The following PALM2AKAP2 variants were observed in gnomAD, a reference collection of about 807,000 sequenced individuals.
PALM2AKAP2 encodes PALM2 and AKAP2 fusion, also known as PALM2-AKAP2 fusion protein.
PALM2AKAP2 carries 37 observed loss-of-function variants against 71.5 expected under a neutral mutation model. The observed-to-expected ratio is 0.52, with a 90% CI of 0.40 to 0.68. PALM2AKAP2 has a LOEUF of 0.68. PALM2AKAP2 is among the 30% of genes least tolerant of loss of function. The pLI is 0.00. For synonymous variants in PALM2AKAP2, 468 were observed against 478.8 expected, an observed-to-expected ratio of 0.98 and a Z score of 0.29; for missense variants, 1,224 against 1,191.8, an observed-to-expected ratio of 1.03 and a Z score of -0.40.
chr9:110,096,547 A>G (rs10980198), intron 1 of PALM2AKAP2, among the ~76,000 whole-genome samples: 35,700 of 152,002 alleles, frequency 0.23, 5,893 homozygotes, highest in African/African-American at 0.46. Context: ...GATGACAGGC[A>G]TGAGCCATCA....
intron 1 of PALM2AKAP2, among the ~76,000 whole-genome samples, chr9:109,772,884 C>A (rs552498230): frequency 6.6e-6 from 1 of 152,250 alleles, no homozygotes; most frequent in Admixed American, 6.5e-5. Flanking sequence ...TTTGGGAGGC[C>A]GAAGCGGGCG....
At chr9:109,743,182 G>A (rs547930558) in intron 1 of PALM2AKAP2, among the ~76,000 whole-genome samples, 5 of 152,204 alleles carry the variant, frequency 3.3e-5, no homozygotes, top group Non-Finnish European at 4.4e-5. Flanking sequence ...AAAAAGGGAG[G>A]GATCTTTTTC....
chr9:110,147,476 A>G (rs1836205174), intron 2 of PALM2AKAP2, among the ~76,000 whole-genome samples: 1 of 152,196 alleles, frequency 6.6e-6, no homozygotes, highest in Non-Finnish European at 1.5e-5. Flanking sequence ...TCCCAGTAAG[A>G]GTTATTATTG....
At chr9:109,964,451 G>C (rs527697561) in intron 6 of PALM2AKAP2, among the ~76,000 whole-genome samples, 27 of 152,378 alleles carry the variant, frequency 1.8e-4, no homozygotes, top group African/African-American at 6.0e-4. Context: ...ATTTGAACCA[G>C]TAGGAGCGAG....
intron 3 of PALM2AKAP2, among the ~76,000 whole-genome samples, chr9:109,920,788 C>T (rs1035467025): frequency 7.5e-5 from 11 of 147,142 alleles, no homozygotes; most frequent in Non-Finnish European, 1.3e-4. Flanking sequence ...TGCCTGTAAT[C>T]ACACCTCAAA....
At chr9:109,880,314 GTCAT>G (rs919939076) in intron 2 of PALM2AKAP2, among the ~76,000 whole-genome samples, 3 of 152,152 alleles carry the variant, frequency 2.0e-5, no homozygotes, top group Non-Finnish European at 4.4e-5. Flanking sequence ...AGGTTACATG[GTCAT>G]TCATTATACA....
intron 1 of PALM2AKAP2, among the ~76,000 whole-genome samples, chr9:110,074,956 T>C (rs1386487235): frequency 1.3e-5 from 2 of 152,018 alleles, no homozygotes; most frequent in Non-Finnish European, 2.9e-5. Flanking sequence ...TGAGCCAAGA[T>C]TGTGCCACTG....
At chr9:109,646,404 C>T (rs140708150) in intron 1 of PALM2AKAP2, among the ~76,000 whole-genome samples, 70 of 152,306 alleles carry the variant, frequency 4.6e-4, no homozygotes, top group African/African-American at 1.3e-3. Context: ...TAAGTTGTTG[C>T]GATCCCTGTA....
chr9:109,814,412 G>T (rs1270764859), intron 1 of PALM2AKAP2, among the ~76,000 whole-genome samples: 1 of 152,298 alleles, frequency 6.6e-6, no homozygotes, highest in Non-Finnish European at 1.5e-5. Flanking sequence ...GATTGTGGCA[G>T]GATTCTAAGA....
intron 1 of PALM2AKAP2, among the ~76,000 whole-genome samples, chr9:109,819,445 G>A (rs1415084550): frequency 1.3e-5 from 2 of 152,154 alleles, no homozygotes; most frequent in African/African-American, 2.4e-5. Context: ...GGGAGACCTG[G>A]GAAGAGCAAT....
intron 6 of PALM2AKAP2, among the ~76,000 whole-genome samples, chr9:110,006,186 TTC>T (rs910492420): frequency 1.7e-4 from 26 of 152,052 alleles, no homozygotes; most frequent in African/African-American, 6.0e-4. Context: ...TTCTTTTTTT[TTC>T]TTTCATTCTT....
At chr9:110,135,073 C>G (rs751743103) in intron 1 of PALM2AKAP2, among the ~76,000 whole-genome samples, 1 of 143,934 alleles carries the variant, frequency 6.9e-6, no homozygotes. Flanking sequence ...CCCAGCACTT[C>G]GGGAGGCTGA....
At chr9:110,134,763 A>G (rs1023038693) in intron 1 of PALM2AKAP2, among the ~76,000 whole-genome samples, 1 of 152,132 alleles carries the variant, frequency 6.6e-6, no homozygotes, top group Admixed American at 6.5e-5. Flanking sequence ...AGATAAATGA[A>G]AATTACACTC....
At chr9:110,064,050 G>A (rs368113101) in intron 1 of PALM2AKAP2, among the ~76,000 whole-genome samples, 2 of 152,094 alleles carry the variant, frequency 1.3e-5, no homozygotes, top group East Asian at 1.9e-4. Context: ...GAGCTTCCAC[G>A]GACCAAAGTG....
intron 3 of PALM2AKAP2, among the ~76,000 whole-genome samples, chr9:109,908,804 G>A (rs575601264): frequency 2.6e-4 from 26 of 100,086 alleles, no homozygotes; most frequent in African/African-American, 7.8e-4. Context: ...GTATGGATGC[G>A]TGTGCACACA....
intron 2 of PALM2AKAP2, among the ~76,000 whole-genome samples, chr9:110,154,468 T>G (rs1836398628): frequency 1.3e-5 from 2 of 152,184 alleles, no homozygotes; most frequent in Admixed American, 1.3e-4. Context: ...TGGGATTGGT[T>G]TAAAATAATT....
intron 2 of PALM2AKAP2, among the ~76,000 whole-genome samples, chr9:110,145,891 C>CTTT (rs61137720): frequency 0.029 from 1,847 of 64,482 alleles, 9 homozygotes; most frequent in Non-Finnish European, 0.034. Flanking sequence ...CCTCACTCTT[C>CTTT]TTTTTTTTTT....
intron 1 of PALM2AKAP2, among the ~76,000 whole-genome samples, chr9:110,071,163 C>CAAAAAAAAAAAAAAAAAA (rs768229567): frequency 2.9e-5 from 3 of 101,862 alleles, no homozygotes; most frequent in Admixed American, 1.2e-4. Flanking sequence ...GACTCTGTTT[C>CAAAAAAAAAAAAAAAAAA]AAAAAAAAAA....
In PALM2AKAP2 at chr9:110,137,861, A is replaced by C. The variant is rs757972758; in HGVS notation, c.1891A>C (p.Lys631Gln). The C allele has an allele frequency of 3.3e-5, 54 of 1,614,014 alleles. No homozygotes were observed. Among genetic ancestry groups the C allele is most frequent in the Non-Finnish European group, 3.7e-5 (44 of 1,180,036 alleles). The change falls in exon 2 of 4, where the codon AAG becomes CAG. Residue 631 changes from lysine (K) to glutamine (Q), a missense_variant. Transcript: ENST00000374525. ...AGAGGGCCGAGGAGAAGGCGTCTCC[A>C]AGTCATTTAGTGATCATGGTTTCTA...
Sources: gnomAD v4.1 joint callset for allele counts (sites outside exome capture counted in the v4.1 genomes callset) on GRCh38, gnomAD v4.1.1 for gene constraint, MANE v1.5 for transcripts, NCBI Gene and HGNC (gene_info 2026-07-23, HGNC 2026-07-21) for gene names.